The following NEGR1 variants were observed in gnomAD, a reference collection of about 807,000 sequenced individuals.
NEGR1 encodes neuronal growth regulator 1.
NEGR1 carries 10 observed loss-of-function variants against 40.9 expected under a neutral mutation model. That is an observed-to-expected ratio of 0.24 (90% CI 0.15 to 0.42). The LOEUF (loss-of-function observed/expected upper bound fraction) is 0.42. Ranked by LOEUF, NEGR1 falls within the 10% of genes least tolerant of loss-of-function variation. The pLI, the probability that NEGR1 is intolerant of heterozygous loss-of-function variation, is 1.00. For synonymous variants in NEGR1, 185 were observed against 166.8 expected (o/e 1.11, Z -0.84); for missense variants, 352 against 438.9 (o/e 0.80, Z 1.77).
intron 6 of NEGR1, among the ~76,000 whole-genome samples, chr1:71,436,943 A>T (rs1201694618): frequency 6.6e-6 from 1 of 152,184 alleles, no homozygotes; most frequent in African/African-American, 2.4e-5. Context: ...TTAGTAGTTA[A>T]GTTTTTTGGG....
chr1:71,472,311 A>T (rs1300708981), intron 6 of NEGR1, among the ~76,000 whole-genome samples: 1 of 152,108 alleles, frequency 6.6e-6, no homozygotes, highest in Admixed American at 6.6e-5. Flanking sequence ...ATTTGGAGAT[A>T]TTTACAAACT....
At chr1:72,193,835 A>C (rs563435247) in intron 1 of NEGR1, among the ~76,000 whole-genome samples, 1 of 151,774 alleles carries the variant, frequency 6.6e-6, no homozygotes, top group East Asian at 1.9e-4. Context: ...TATAACCCTG[A>C]AAGCCTGCCT....
intron 3 of NEGR1, among the ~76,000 whole-genome samples, chr1:71,759,360 C>T (rs1378402076): frequency 2.3e-5 from 3 of 130,450 alleles, no homozygotes; most frequent in African/African-American, 5.6e-5. Flanking sequence ...TGCAGTGGCA[C>T]GATCTCGGCT....
chr1:72,117,906 A>G (rs1649642167), intron 1 of NEGR1, among the ~76,000 whole-genome samples: 1 of 151,728 alleles, frequency 6.6e-6, no homozygotes, highest in Non-Finnish European at 1.5e-5. Flanking sequence ...TATGGCAAAG[A>G]AATTCTGTGA....
chr1:72,200,238 T>C (rs190460180), intron 1 of NEGR1, among the ~76,000 whole-genome samples: 2 of 152,136 alleles, frequency 1.3e-5, no homozygotes, highest in East Asian at 3.9e-4. Flanking sequence ...ACAGTGCTAT[T>C]CACAATATCA....
intron 3 of NEGR1, among the ~76,000 whole-genome samples, chr1:71,752,926 C>T (rs553754352): frequency 1.3e-5 from 2 of 152,094 alleles, no homozygotes; most frequent in Non-Finnish European, 2.9e-5. Flanking sequence ...ATAGTAAGCC[C>T]ATGAGCTGGA....
At chr1:71,640,113 A>G (rs1476641602) in intron 4 of NEGR1, among the ~76,000 whole-genome samples, 1 of 152,050 alleles carries the variant, frequency 6.6e-6, no homozygotes, top group African/African-American at 2.4e-5. Flanking sequence ...AATATTTGCA[A>G]TGTGAATGAA....
At chr1:72,247,492 C>G (rs1007936838) in intron 1 of NEGR1, among the ~76,000 whole-genome samples, 2 of 152,310 alleles carry the variant, frequency 1.3e-5, no homozygotes, top group Middle Eastern at 3.4e-3. Flanking sequence ...GACCTTCAAA[C>G]ATCCACAGAT....
intron 1 of NEGR1, among the ~76,000 whole-genome samples, chr1:72,272,685 T>C (rs556836163): frequency 1.3e-5 from 2 of 152,046 alleles, no homozygotes; most frequent in Non-Finnish European, 2.9e-5. Context: ...CCTTTACATA[T>C]TTTATGGCAG....
At chr1:72,130,235 G>C (rs1291559891) in intron 1 of NEGR1, among the ~76,000 whole-genome samples, 3 of 152,250 alleles carry the variant, frequency 2.0e-5, no homozygotes, top group African/African-American at 4.8e-5. Context: ...TTTAACTACA[G>C]GCTTGAACCC....
At chr1:71,803,559 G>A (rs1441457561) in intron 2 of NEGR1, among the ~76,000 whole-genome samples, 2 of 151,946 alleles carry the variant, frequency 1.3e-5, no homozygotes. Context: ...TGACATTTCC[G>A]TGGCTCAGGG....
chr1:72,053,833 TTAAG>T (rs1417513087), intron 1 of NEGR1, among the ~76,000 whole-genome samples: 7 of 150,342 alleles, frequency 4.7e-5, no homozygotes, highest in African/African-American at 1.7e-4. Context: ...TTGCAGAAGA[TTAAG>T]TATCTCAAAA....
chr1:72,134,809 C>A (rs1650390292), intron 1 of NEGR1, among the ~76,000 whole-genome samples: 1 of 151,514 alleles, frequency 6.6e-6, no homozygotes, highest in Non-Finnish European at 1.5e-5. Flanking sequence ...ACGTTCTCAG[C>A]TGACCACAAC....
At chr1:72,012,589 A>AT (rs1355647966) in intron 1 of NEGR1, among the ~76,000 whole-genome samples, 2 of 151,980 alleles carry the variant, frequency 1.3e-5, no homozygotes, top group Non-Finnish European at 2.9e-5. Flanking sequence ...AAAAGTTTGA[A>AT]TTTTTTATAT....
chr1:72,032,734 A>G (rs778432116), intron 1 of NEGR1, among the ~76,000 whole-genome samples: 51 of 152,178 alleles, frequency 3.4e-4, no homozygotes, highest in Admixed American at 5.9e-4. Context: ...CATCAAATAC[A>G]TTTTAGCATA....
At chr1:71,999,090 A>G (rs919387267) in intron 1 of NEGR1, among the ~76,000 whole-genome samples, 1 of 151,890 alleles carries the variant, frequency 6.6e-6, no homozygotes, top group African/African-American at 2.4e-5. Context: ...AGGCTTTACT[A>G]TGGTTTTAGG....
intron 1 of NEGR1, among the ~76,000 whole-genome samples, chr1:72,211,065 T>A (rs80229609): frequency 0.013 from 1,963 of 151,864 alleles, 43 homozygotes; most frequent in African/African-American, 0.045. Flanking sequence ...CAAAGCTGTT[T>A]TAAAAAGAAT....
At chr1:71,647,294 A>G (rs950181142) in intron 4 of NEGR1, among the ~76,000 whole-genome samples, 5 of 151,754 alleles carry the variant, frequency 3.3e-5, no homozygotes, top group Non-Finnish European at 5.9e-5. Context: ...GAAAGTAATC[A>G]TTTTTTTCCA....
At chr1:71,826,326 C>A (rs763242353) in intron 2 of NEGR1, among the ~76,000 whole-genome samples, 6 of 151,892 alleles carry the variant, frequency 4.0e-5, no homozygotes, top group Admixed American at 1.3e-4. Context: ...TTGATTATCA[C>A]AATAAAGTTT....
Sources: gnomAD v4.1 joint callset for allele counts (sites outside exome capture counted in the v4.1 genomes callset) on GRCh38, gnomAD v4.1.1 for gene constraint, MANE v1.5 for transcripts, NCBI Gene and HGNC (gene_info 2026-07-23, HGNC 2026-07-21) for gene names.